SGCZ: variants seen among roughly 807,000 people sequenced by gnomAD.
The protein encoded by SGCZ is zeta-sarcoglycan.
Under a neutral mutation model 41.3 loss-of-function variants are expected in SGCZ, and 40 were observed. The observed-to-expected ratio is 0.97, with a 90% CI of 0.75 to 1.26. SGCZ has a LOEUF of 1.26. SGCZ is among the 50% of genes most tolerant of loss of function. The pLI is 0.00. For missense variants in SGCZ, 552 were observed against 369.8 expected, an observed-to-expected ratio of 1.49 and a Z score of -4.04; for synonymous variants, 206 against 137.5, an observed-to-expected ratio of 1.50 and a Z score of -3.49.
rs193296380 is a variant in SGCZ at position 14,426,754 on chromosome 8, T to G, written c.235-102550A>C. On this transcript the variant is annotated intron_variant, in intron 2 of 7. Coordinates refer to ENST00000382080, the MANE Select transcript of SGCZ (RefSeq NM_139167.4). ...GCAGGCAACTGGAAGTAATAAAAAG[T>G]GTATGCTGAGAAAAAGGTACAGGTG... Among the ~76,000 whole-genome samples, 224 of 152,042 alleles carry G rather than the reference T, an allele frequency of 1.5e-3. 1 individual carries two copies. Among genetic ancestry groups the G allele is most frequent in the Non-Finnish European group, 7.4e-4 (50 of 67,976 alleles).
chr8:14,381,157 G>C (rs770400394), intron 2 of SGCZ, among the ~76,000 whole-genome samples: 3 of 152,180 alleles, frequency 2.0e-5, no homozygotes, highest in Non-Finnish European at 4.4e-5. Context: ...AAAGGATTTA[G>C]ATATATGGAT....
At chr8:14,720,811 A>G (rs1809859529) in intron 1 of SGCZ, among the ~76,000 whole-genome samples, 1 of 152,072 alleles carries the variant, frequency 6.6e-6, no homozygotes, top group South Asian at 2.1e-4. Flanking sequence ...TTATAGCCAA[A>G]CATCTTGAAA....
rs559891250 is a variant in SGCZ, at chr8:15,222,044, T to C, written c.39+15541A>G. On this transcript the variant is annotated intron_variant, in intron 1 of 7. Transcript: ENST00000382080. ...ATTTCCTCTTATTCACTTTTACTTC[T>C]CCTTCGTAATTACGTAACATTTTCA... Among the ~76,000 whole-genome samples the C allele has an allele frequency of 5.1e-4, 78 of 152,336 alleles. 1 individual carries two copies. The highest frequency in any genetic ancestry group is 1.8e-3 in the African/African-American group (73 of 41,582).
intron 3 of SGCZ, among the ~76,000 whole-genome samples, chr8:14,249,984 A>T (rs1262044937): frequency 6.6e-6 from 1 of 152,194 alleles, no homozygotes; most frequent in African/African-American, 2.4e-5. Flanking sequence ...TAAGAAGATT[A>T]CTCCAACCCA....
At chr8:14,203,658 T>C (rs906540326) in intron 4 of SGCZ, among the ~76,000 whole-genome samples, 7 of 152,146 alleles carry the variant, frequency 4.6e-5, no homozygotes, top group Non-Finnish European at 1.0e-4. Flanking sequence ...TCACTGGAGG[T>C]GAGCACCACA....
At chr8:14,106,900 G>T (rs60981805) in intron 6 of SGCZ, among the ~76,000 whole-genome samples, 25,501 of 152,026 alleles carry the variant, frequency 0.17, 3,298 homozygotes, top group East Asian at 0.67. Context: ...TAAACCATAA[G>T]TAATCACCAA....
At chr8:14,112,356 G>A (rs1040627817) in intron 5 of SGCZ, among the ~76,000 whole-genome samples, 3 of 151,338 alleles carry the variant, frequency 2.0e-5, no homozygotes, top group Non-Finnish European at 2.9e-5. Context: ...ACTACAAGAG[G>A]AATCCAGAGT....
At chr8:14,955,979 G>C (rs1488639006) in intron 1 of SGCZ, among the ~76,000 whole-genome samples, 3 of 150,800 alleles carry the variant, frequency 2.0e-5, no homozygotes, top group East Asian at 3.9e-4. Context: ...TTCACATTTG[G>C]GATTTTAATG....
intron 2 of SGCZ, among the ~76,000 whole-genome samples, chr8:14,495,474 A>T (rs1020768311): frequency 2.6e-5 from 4 of 152,324 alleles, no homozygotes; most frequent in Non-Finnish European, 4.4e-5. Context: ...GTATCACTGA[A>T]AAAGTCTGGC....
At chr8:14,262,136 T>C (rs1799694169) in intron 3 of SGCZ, among the ~76,000 whole-genome samples, 1 of 152,170 alleles carries the variant, frequency 6.6e-6, no homozygotes, top group Admixed American at 6.5e-5. Flanking sequence ...TATTTACTGA[T>C]ATGCATTAAG....
intron 3 of SGCZ, among the ~76,000 whole-genome samples, chr8:14,289,939 C>T (rs963186469): frequency 6.6e-6 from 1 of 151,954 alleles, no homozygotes; most frequent in Non-Finnish European, 1.5e-5. Flanking sequence ...CAGGCACCTT[C>T]TTCATAAGGC....
At position 14,090,277 on chromosome 8, in the gene SGCZ, C is replaced by A; in HGVS notation, c.*166G>T. The stretch of plus-strand genomic sequence containing the variant: ...ATCACACCCTCTGTGTTGAGCAGTA[C>A]AGTAAATCACAAGAGAAGGTGGTGG... On this transcript the variant is annotated 3_prime_UTR_variant, in exon 8 of 8. Coordinates refer to ENST00000382080, the MANE Select transcript of SGCZ (RefSeq NM_139167.4). 1.6e-6 allele frequency: 1 copy of A among 629,612 alleles called. No homozygotes were observed. The highest frequency in any genetic ancestry group is 2.7e-5 in the East Asian group (1 of 37,154). 39.0% of individuals were successfully genotyped at this position (629,612 alleles called of 1,614,324 possible).
intron 1 of SGCZ, among the ~76,000 whole-genome samples, chr8:14,616,089 C>A (rs1806091944): frequency 6.6e-6 from 1 of 152,076 alleles, no homozygotes; most frequent in African/African-American, 2.4e-5. Flanking sequence ...CAAGACCATC[C>A]TGGCTAACAC....
At chr8:15,002,424 G>A (rs1802460072) in intron 1 of SGCZ, among the ~76,000 whole-genome samples, 1 of 152,054 alleles carries the variant, frequency 6.6e-6, no homozygotes, top group Non-Finnish European at 1.5e-5. Flanking sequence ...AGGTTTCTGA[G>A]GCTTCTTAAT....
chr8:14,881,365 C>T (rs1005002503), intron 1 of SGCZ, among the ~76,000 whole-genome samples: 1 of 152,054 alleles, frequency 6.6e-6, no homozygotes, highest in Admixed American at 6.6e-5. Context: ...CACTCCATTT[C>T]GACCCCCATA....
chr8:15,090,170 T>C (rs1405798791), intron 1 of SGCZ, among the ~76,000 whole-genome samples: 3 of 152,192 alleles, frequency 2.0e-5, no homozygotes. Context: ...TAGACAAAGG[T>C]CATGACATCC....
chr8:14,192,114 C>T (rs1183196916), intron 4 of SGCZ, among the ~76,000 whole-genome samples: 1 of 151,958 alleles, frequency 6.6e-6, no homozygotes, highest in Non-Finnish European at 1.5e-5. Flanking sequence ...TAAAGTGGTA[C>T]TTCCTAAAAA....
At position 14,599,893 on chromosome 8, in the gene SGCZ, G is replaced by A. The variant is rs1805532199; in HGVS notation, c.40-44967C>T. ...CACACTCTTTACATTATCTTCAGTG[G>A]CTGCCTTATTTCTTCACATCACTTC... On this transcript the variant is annotated intron_variant, in intron 1 of 7. Coordinates refer to ENST00000382080, the MANE Select transcript of SGCZ (RefSeq NM_139167.4). Among the ~76,000 whole-genome samples the A allele has an allele frequency of 2.0e-5, 3 of 151,958 alleles. 1 individual carries two copies. The South Asian group carries it at 6.2e-4, about 32-fold the overall frequency.
intron 2 of SGCZ, among the ~76,000 whole-genome samples, chr8:14,531,694 T>A (rs899259818): frequency 6.6e-6 from 1 of 152,122 alleles, no homozygotes; most frequent in Non-Finnish European, 1.5e-5. Flanking sequence ...TCTCTCTTTT[T>A]TTCTACCCCT....
Sources: allele counts gnomAD v4.1 joint callset (sites outside exome capture counted in the v4.1 genomes callset), GRCh38; gene constraint gnomAD v4.1.1; transcripts MANE v1.5; gene names NCBI Gene and HGNC (gene_info 2026-07-23, HGNC 2026-07-21).